DMD: variants seen among roughly 807,000 people sequenced by gnomAD.
DMD encodes mutant dystrophin.
DMD carries 63 observed loss-of-function variants against 330.1 expected under a neutral mutation model. That is an observed-to-expected ratio of 0.19 (90% CI 0.16 to 0.24). DMD has a LOEUF of 0.24. Among genes scored for constraint, DMD ranks in the 10% least tolerant of loss-of-function variants. The probability of loss-of-function intolerance (pLI) is 1.00; values close to 1 mark genes in which losing one functional copy is unlikely to be tolerated. For synonymous variants in DMD, 1,223 were observed against 959.8 expected (o/e 1.27, Z -5.07); for missense variants, 3,344 against 2,684.1 (o/e 1.25, Z -5.43).
intron 11 of DMD, among the ~76,000 whole-genome samples, chrX:32,638,028 G>GA (rs1322479839): frequency 9.0e-6 from 1 of 111,422 alleles, no homozygotes; most frequent in Non-Finnish European, 1.9e-5. Flanking sequence ...TACAAGAGAT[G>GA]TCCACATTTA....
Position 32,969,300 on chromosome X carries a change from A to G in DMD, c.93+50839T>C, listed in dbSNP as rs1181043741. Among the ~76,000 whole-genome samples, 16 of 75,566 alleles carry G rather than the reference A, an allele frequency of 2.1e-4. 2 individuals are homozygous for G. The highest frequency in any genetic ancestry group is 9.6e-5 in the Non-Finnish European group (4 of 41,815). The allele number at this position is 75,566 out of a possible 115,157, so 65.6% of individuals were successfully genotyped here. On this transcript the variant is annotated intron_variant, in intron 2 of 78. Transcript: ENST00000357033. Reference sequence around the variant, plus strand: ...GTTTATCAATTTTTGAAGTGAAATAACATATAAATTAACAAAAATTCTCTC... The same window carrying G: ...GTTTATCAATTTTTGAAGTGAAATAGCATATAAATTAACAAAAATTCTCTC...
intron 30 of DMD, among the ~76,000 whole-genome samples, chrX:32,404,779 T>C (rs1029558099): frequency 3.6e-5 from 4 of 111,834 alleles, no homozygotes; most frequent in Admixed American, 2.9e-4. Flanking sequence ...TCCCCTAAAA[T>C]GATTAAGAGC....
At chrX:31,976,313 T>C (rs1233113537) in intron 44 of DMD, among the ~76,000 whole-genome samples, 1 of 111,140 alleles carries the variant, frequency 9.0e-6, no homozygotes, top group Non-Finnish European at 1.9e-5. Context: ...GAGGAAATAT[T>C]AGGACTGAAA....
intron 7 of DMD, among the ~76,000 whole-genome samples, chrX:32,727,730 T>C (rs1011035311): frequency 3.6e-5 from 4 of 110,627 alleles, no homozygotes; most frequent in African/African-American, 1.3e-4. Flanking sequence ...GATGTATATA[T>C]ACACACATAT....
chrX:32,625,478 C>A (rs2058288118), intron 11 of DMD, among the ~76,000 whole-genome samples: 1 of 112,000 alleles, frequency 8.9e-6, no homozygotes, highest in African/African-American at 3.2e-5. Context: ...TCCTTATTTG[C>A]AAGTACTTAT....
chrX:31,307,952 C>T lies in DMD; in HGVS notation c.9224+15646G>A, dbSNP rs191479459. ...GGAGGCAGGGGCGGGGGTATGGTTT[C>T]GAGATGAAACCGTTCCACCTCAGAT... On this transcript the variant is annotated intron_variant, in intron 62 of 78. Transcript: ENST00000357033. 4.6e-3 allele frequency among the ~76,000 whole-genome samples: 513 copies of T among 111,199 alleles called. 1 individual carries two copies. Among genetic ancestry groups the T allele is most frequent in the African/African-American group, 0.016 (486 of 30,635 alleles).
chrX:31,572,123 C>A (rs190747727), intron 55 of DMD, among the ~76,000 whole-genome samples: 71 of 109,886 alleles, frequency 6.5e-4, no homozygotes, highest in African/African-American at 2.2e-3. Context: ...ATGTACCCCA[C>A]AAACCTAAAA....
At chrX:33,086,710 T>C (rs1054847079) in intron 1 of DMD, among the ~76,000 whole-genome samples, 3 of 110,109 alleles carry the variant, frequency 2.7e-5, no homozygotes, top group Non-Finnish European at 3.8e-5. Flanking sequence ...TTTTAAAGTG[T>C]ATGTTAAAAA....
At chrX:32,758,645 G>C (rs766255475) in intron 7 of DMD, among the ~76,000 whole-genome samples, 2 of 111,268 alleles carry the variant, frequency 1.8e-5, no homozygotes, top group African/African-American at 3.3e-5. Context: ...CTCAGACTTC[G>C]GAATCAAACC....
Position 32,149,602 on chromosome X carries a change from G to T in DMD, c.6438+67314C>A, listed in dbSNP as rs748359619. Among the ~76,000 whole-genome samples the T allele has an allele frequency of 3.6e-5, 4 of 111,801 alleles. No individual in the cohort carries two copies. In the South Asian group the frequency reaches 1.5e-3, roughly 42 times the overall value. ...AATAGGCACGTGGTAAGTGTTTGCTGACTAAAGATTGAAGAATGTGTTGTA... is the reference window on the plus strand; with the variant it reads ...AATAGGCACGTGGTAAGTGTTTGCTTACTAAAGATTGAAGAATGTGTTGTA... On this transcript the variant is annotated intron_variant, in intron 44 of 78. Coordinates refer to ENST00000357033, the MANE Select transcript of DMD (RefSeq NM_004006.3).
intron 3 of DMD, among the ~76,000 whole-genome samples, chrX:32,845,514 C>A (rs1451772911): frequency 8.9e-6 from 1 of 111,751 alleles, no homozygotes; most frequent in Non-Finnish European, 1.9e-5. Flanking sequence ...ATTTTCATTT[C>A]TTTTACCTTA....
chrX:32,960,916 T>TAA lies in DMD; in HGVS notation c.93+59221_93+59222dup, dbSNP rs59425093. 5.5e-3 allele frequency among the ~76,000 whole-genome samples: 379 copies of TAA among 68,620 alleles called. 3 individuals are homozygous for TAA. The highest frequency in any genetic ancestry group is 8.3e-3 in the Non-Finnish European group (304 of 36,541). 59.6% of individuals were successfully genotyped at this position (68,620 alleles called of 115,157 possible). ...CATGATTATTTTATTGCACCATTTGTAAAAAAAAAAAAAAAAAAAAAAGGT... is the reference window on the plus strand; with the variant it reads ...CATGATTATTTTATTGCACCATTTGTAAAAAAAAAAAAAAAAAAAAAAAAGGT... On this transcript the variant is annotated intron_variant, in intron 2 of 78. Coordinates refer to ENST00000357033, the MANE Select transcript of DMD (RefSeq NM_004006.3).
intron 30 of DMD, among the ~76,000 whole-genome samples, chrX:32,392,233 G>A (rs772387283): frequency 2.7e-5 from 3 of 111,245 alleles, no homozygotes; most frequent in Non-Finnish European, 5.7e-5. Context: ...GGCTTCCAAT[G>A]CGGTATGGCT....
chrX:31,678,355 A>T (rs1258231096), intron 53 of DMD, among the ~76,000 whole-genome samples: 6 of 110,798 alleles, frequency 5.4e-5, no homozygotes, highest in Admixed American at 9.6e-5. Context: ...AATCTGATCA[A>T]CCTCCTACCA....
chrX:32,543,477 G>A (rs1014217101), intron 17 of DMD, among the ~76,000 whole-genome samples: 1 of 111,689 alleles, frequency 9.0e-6, no homozygotes, highest in South Asian at 3.7e-4. Context: ...GCAACTAGGT[G>A]TCCCTATTAC....
intron 59 of DMD, among the ~76,000 whole-genome samples, chrX:31,466,801 T>C (rs765392074): frequency 8.0e-4 from 90 of 111,884 alleles, no homozygotes; most frequent in Non-Finnish European, 1.2e-3. Flanking sequence ...GAGCATGGAA[T>C]GTTCTTCCAT....
At chrX:31,134,766 C>T (rs946144124) in intron 76 of DMD, among the ~76,000 whole-genome samples, 1 of 112,367 alleles carries the variant, frequency 8.9e-6, no homozygotes, top group African/African-American at 3.2e-5. Flanking sequence ...GAAATGTGCC[C>T]CGCACATAGA....
At chrX:33,279,715 C>T (rs974149846) in intron 1 of DMD, among the ~76,000 whole-genome samples, 1 of 111,309 alleles carries the variant, frequency 9.0e-6, no homozygotes, top group African/African-American at 3.3e-5. Flanking sequence ...GCTTCCTTGC[C>T]AGCATCTGGT....
chrX:31,721,687 T>A (rs1473688561), intron 52 of DMD, among the ~76,000 whole-genome samples: 1 of 30,427 alleles, frequency 3.3e-5, no homozygotes, highest in Non-Finnish European at 5.2e-5. Flanking sequence ...TCTCTCTCAC[T>A]CTCTCTCTCT....
Sources: allele counts gnomAD v4.1 joint callset (sites outside exome capture counted in the v4.1 genomes callset), GRCh38; gene constraint gnomAD v4.1.1; transcripts MANE v1.5; gene names NCBI Gene and HGNC (gene_info 2026-07-23, HGNC 2026-07-21).